GJA8: variants seen among roughly 807,000 people sequenced by gnomAD.
GJA8 encodes the protein gap junction protein alpha 8.
Under a neutral mutation model 15.3 loss-of-function variants are expected in GJA8, and 13 were observed. The observed-to-expected ratio is 0.85, with a 90% CI of 0.55 to 1.35. The LOEUF is 1.35. GJA8 is among the 40% of genes most tolerant of loss of function. The probability of loss-of-function intolerance (pLI) is 0.00; values close to 1 mark genes in which losing one functional copy is unlikely to be tolerated. For missense variants in GJA8, 607 were observed against 553.3 expected, an observed-to-expected ratio of 1.10 and a Z score of -0.97; for synonymous variants, 304 against 238.7, an observed-to-expected ratio of 1.27 and a Z score of -2.52.
At position 147,908,482 on chromosome 1, in the gene GJA8, G is replaced by A. The variant is rs1272922415; in HGVS notation, c.527G>A (p.Arg176Gln). 3.7e-6 allele frequency: 6 copies of A among 1,614,052 alleles called. No individual in the cohort carries two copies. In the African/African-American group the frequency reaches 4.0e-5, roughly 11 times the overall value. The change falls in exon 2 of 2, where the codon CGG (arginine) becomes CAG (glutamine). Residue 176 changes from arginine to glutamine, a missense_variant. Coordinates refer to ENST00000369235, the MANE Select transcript of GJA8 (RefSeq NM_005267.5). ...IVGHYFLYGF[R>Q]ILPLYRCSRW... Reference sequence around the variant, plus strand: ...GGCCACTACTTCCTGTACGGGTTCCGGATCCTGCCTCTGTACCGCTGCAGC... The same window carrying A: ...GGCCACTACTTCCTGTACGGGTTCCAGATCCTGCCTCTGTACCGCTGCAGC...
intron 1 of GJA8, among the ~76,000 whole-genome samples, chr1:147,907,708 G>A (rs1651853050): frequency 1.3e-5 from 2 of 152,086 alleles, no homozygotes; most frequent in Admixed American, 1.3e-4. Flanking sequence ...ATGAGAATAG[G>A]TATTATTATT....
Position 147,908,014 on chromosome 1 carries a change from T to TCATCG in GJA8, c.60_64dup (p.Gly22AlafsTer71). ...GAGGAGGTGAATGAGCACTCCACCG[T>TCATCG]CATCGGCAGAGTCTGGCTCACCGTG... On this transcript the variant is annotated frameshift_variant, in exon 2 of 2. Coordinates refer to ENST00000369235, the MANE Select transcript of GJA8 (RefSeq NM_005267.5). LOFTEE classifies it high-confidence loss of function. 6.2e-7 allele frequency: 1 copy of TCATCG among 1,613,854 alleles called. No homozygotes were observed. The highest frequency in any genetic ancestry group is 8.5e-7 in the Non-Finnish European group (1 of 1,179,746).
chr1:147,910,304 T>G (rs1160317682), downstream of GJA8, among the ~76,000 whole-genome samples: 6 of 152,232 alleles, frequency 3.9e-5, no homozygotes, highest in African/African-American at 1.4e-4. Context: ...TTATGCTAAT[T>G]AGCCCAGCTT....
Position 147,909,135 on chromosome 1 carries a change from C to T in GJA8, c.1180C>T (p.Gln394Ter). ...GCCGCAGTCGGAGAAGGTGTCAAAGCAAGGGCTGCCAGCTGAGAAGACACC... is the reference window on the plus strand; with the variant it reads ...GCCGCAGTCGGAGAAGGTGTCAAAGTAAGGGCTGCCAGCTGAGAAGACACC... ...EEPQSEKVSK[Q>*]GLPAEKTPSL... The change falls in exon 2 of 2, where the codon CAA becomes TAA. Residue 394 changes from glutamine (Q) to a stop codon, truncating the protein, a stop_gained. Coordinates refer to ENST00000369235, the MANE Select transcript of GJA8 (RefSeq NM_005267.5). LOFTEE classifies it high-confidence loss of function. 6.2e-7 allele frequency: 1 copy of T among 1,614,000 alleles called. No individual in the cohort carries two copies. The highest frequency in any genetic ancestry group is 8.5e-7 in the Non-Finnish European group (1 of 1,179,950).
At chr1:147,914,255 GATGACCCC>G (rs1192300328), downstream of GJA8, among the ~76,000 whole-genome samples, 1 of 152,224 alleles carries the variant, frequency 6.6e-6, no homozygotes, top group Non-Finnish European at 1.5e-5. Context: ...GGGAAAAGTA[GATGACCCC>G]ATGGCCTTTT....
At chr1:147,910,799 A>G (rs1224654712), downstream of GJA8, among the ~76,000 whole-genome samples, 1 of 152,176 alleles carries the variant, frequency 6.6e-6, no homozygotes, top group Non-Finnish European at 1.5e-5. Context: ...GGAGCCTCTC[A>G]CAAAGTGGGT....
intron 1 of GJA8, among the ~76,000 whole-genome samples, chr1:147,904,539 C>G (rs1553242036): frequency 6.6e-6 from 1 of 152,138 alleles, no homozygotes; most frequent in East Asian, 1.9e-4. Flanking sequence ...TATTTTCCAT[C>G]TGTAATAGGT....
chr1:147,906,485 T>G (rs1304068146), intron 1 of GJA8, among the ~76,000 whole-genome samples: 1 of 152,318 alleles, frequency 6.6e-6, no homozygotes, highest in East Asian at 1.9e-4. Context: ...GACCAAATTT[T>G]TGACTCTATT....
rs1553242827 is a variant in GJA8 at position 147,908,754 on chromosome 1, C to A, written c.799C>A (p.Gln267Lys). Residue 267 changes from glutamine (Q) to lysine (K), a missense_variant, in exon 2 of 2, where the codon CAG (glutamine) becomes AAG (lysine). Physicochemically the swap from Gln to Lys is moderately conservative, Grantham distance 53 (BLOSUM62 1). Coordinates refer to ENST00000369235, the MANE Select transcript of GJA8 (RefSeq NM_005267.5). ...CTCCATCCAGAAAGCCAAGGGCTAT[C>A]AGCTCCTAGAAGAAGAGAAAATCGT... ...VSSIQKAKGY[Q>K]LLEEEKIVSH... 6.2e-7 allele frequency: 1 copy of A among 1,614,116 alleles called. No homozygotes were observed. Among genetic ancestry groups the A allele is most frequent in the Non-Finnish European group, 8.5e-7 (1 of 1,179,948 alleles).
downstream of GJA8, among the ~76,000 whole-genome samples, chr1:147,912,300 C>T (rs1271812817): frequency 7.2e-5 from 11 of 152,114 alleles, no homozygotes; most frequent in Non-Finnish European, 1.3e-4. Flanking sequence ...CAACCTGCCT[C>T]GTAGTTACCT....
downstream of GJA8, among the ~76,000 whole-genome samples, chr1:147,913,387 G>A (rs1164311635): frequency 6.6e-6 from 1 of 152,190 alleles, no homozygotes; most frequent in Non-Finnish European, 1.5e-5. Context: ...GGGGCAGCAG[G>A]TAGTCTTGAA....
downstream of GJA8, among the ~76,000 whole-genome samples, chr1:147,913,456 T>C (rs74123749): frequency 0.083 from 12,691 of 152,200 alleles, 1,020 homozygotes; most frequent in African/African-American, 0.21. Context: ...AATTGGTTGC[T>C]GAAAGAGGTG....
chr1:147,908,404 C>T lies in GJA8; in HGVS notation c.449C>T (p.Thr150Ile). 1 of 1,614,142 alleles carries T rather than the reference C, an allele frequency of 6.2e-7. No individual in the cohort carries two copies. Among genetic ancestry groups the T allele is most frequent in the South Asian group, 1.1e-5 (1 of 91,086 alleles). Residue 150 changes from threonine (T) to isoleucine (I), a missense_variant, in exon 2 of 2, where the codon ACC becomes ATC. Thr to Ile is a moderately conservative substitution (Grantham distance 89). Transcript: ENST00000369235. ...KFRLEGTLLR[T>I]YICHIIFKTL... ...CGGCTGGAGGGGACCCTGCTGAGGA[C>T]CTACATCTGCCACATCATCTTCAAG...
In GJA8 at chr1:147,908,072, G is replaced by A. The variant is rs955467208; in HGVS notation, c.117G>A (p.Thr39=). Residue 39 remains threonine (T), a synonymous_variant, in exon 2 of 2, where the codon ACG becomes ACA. Coordinates refer to ENST00000369235, the MANE Select transcript of GJA8 (RefSeq NM_005267.5). ...TCTTCCGGATCCTCATCCTTGGCAC[G>A]GCCGCAGAGTTCGTGTGGGGGGATG... The part of the protein sequence containing the change: ...LFIFRILILG[T]AAEFVWGDEQ... The A allele has an allele frequency of 1.1e-5, 18 of 1,614,030 alleles. No individual in the cohort carries two copies. The highest frequency in any genetic ancestry group is 1.2e-5 in the Non-Finnish European group (14 of 1,180,008).
At position 147,908,145 on chromosome 1, in the gene GJA8, G is replaced by A. The variant is rs781864026; in HGVS notation, c.190G>A (p.Val64Ile). 2 of 1,614,230 alleles carry A rather than the reference G, an allele frequency of 1.2e-6. No homozygotes were observed. The highest frequency in any genetic ancestry group is 4.5e-5 in the East Asian group (2 of 44,882). Residue 64 changes from valine (V) to isoleucine (I), a missense_variant, in exon 2 of 2, where the codon GTC (valine) becomes ATC (isoleucine). By Grantham distance (29) the Val-to-Ile change is conservative. Transcript: ENST00000369235. ...CACCCAGCAGCCTGGCTGCGAGAAC[G>A]TCTGCTACGACGAGGCCTTTCCCAT... The part of the protein sequence containing the change: ...CNTQQPGCEN[V>I]CYDEAFPISH...
intron 1 of GJA8, among the ~76,000 whole-genome samples, chr1:147,903,598 C>G (rs1470832530): frequency 6.6e-6 from 1 of 152,184 alleles, no homozygotes; most frequent in Non-Finnish European, 1.5e-5. Context: ...TCTGCCCTCA[C>G]TAGCTAAGCC....
chr1:147,903,852 C>T (rs1651693698), intron 1 of GJA8, among the ~76,000 whole-genome samples: 1 of 151,816 alleles, frequency 6.6e-6, no homozygotes, highest in Non-Finnish European at 1.5e-5. Context: ...GTTATGTCCT[C>T]TCCAGTTTTG....
rs782150699 is a variant in GJA8, at chr1:147,908,342, CAAG to C, written c.392_394del (p.Lys131del). The C allele has an allele frequency of 3.0e-5, 49 of 1,614,204 alleles. No individual in the cohort carries two copies. The highest frequency in any genetic ancestry group is 4.0e-5 in the Non-Finnish European group (47 of 1,180,032). On this transcript the variant is annotated inframe_deletion, in exon 2 of 2. Coordinates refer to ENST00000369235, the MANE Select transcript of GJA8 (RefSeq NM_005267.5). The stretch of plus-strand genomic sequence containing the variant: ...ACGGCGGCCCGGACCAGGGCAGCGT[CAAG>C]AAGAGCAGCGGCAGCAAAGGCACTA...
At chr1:147,910,262 T>C (rs1652058795), downstream of GJA8, among the ~76,000 whole-genome samples, 2 of 152,374 alleles carry the variant, frequency 1.3e-5, no homozygotes, top group African/African-American at 4.8e-5. Flanking sequence ...AAGCCACATT[T>C]AACCTGTGAG....
Sources: gnomAD v4.1 joint callset for allele counts (sites outside exome capture counted in the v4.1 genomes callset) on GRCh38, gnomAD v4.1.1 for gene constraint, MANE v1.5 for transcripts, NCBI Gene and HGNC (gene_info 2026-07-23, HGNC 2026-07-21) for gene names.